The following USP37 variants were observed in gnomAD, a reference collection of about 807,000 sequenced individuals.
The protein encoded by USP37 is ubiquitin carboxyl-terminal hydrolase 37.
A neutral mutation model predicts 124.0 loss-of-function variants in USP37; 27 were observed. The ratio of observed to expected loss-of-function variants is 0.22; its 90% CI spans 0.16 to 0.30. USP37 has a LOEUF of 0.30. USP37 is among the 10% of genes least tolerant of loss of function. USP37 has a pLI of 1.00. For synonymous variants in USP37, 365 were observed against 388.0 expected, an observed-to-expected ratio of 0.94 and a Z score of 0.70; for missense variants, 889 against 1,140.4, an observed-to-expected ratio of 0.78 and a Z score of 3.17.
intron 10 of USP37, among the ~76,000 whole-genome samples, chr2:218,518,434 T>C (rs1690419362): frequency 1.3e-5 from 2 of 152,218 alleles, no homozygotes; most frequent in Non-Finnish European, 2.9e-5. Flanking sequence ...CATGTTGACC[T>C]GTCTTGCTGC....
chr2:218,526,850 G>A (rs1413847463), intron 10 of USP37, among the ~76,000 whole-genome samples: 3 of 139,856 alleles, frequency 2.1e-5, no homozygotes, highest in South Asian at 2.3e-4. Context: ...GTGCAGTGGC[G>A]CGATCTCGGC....
intron 5 of USP37, among the ~76,000 whole-genome samples, chr2:218,550,944 CA>C (rs1175246279): frequency 6.6e-6 from 1 of 152,072 alleles, no homozygotes; most frequent in Non-Finnish European, 1.5e-5. Context: ...AATTTTTTAA[CA>C]CAAGTTTTCA....
At chr2:218,488,947 T>G (rs1691751403) in intron 14 of USP37, among the ~76,000 whole-genome samples, 1 of 152,086 alleles carries the variant, frequency 6.6e-6, no homozygotes, top group African/African-American at 2.4e-5. Context: ...TTTTTAAACT[T>G]TATATAAGCA....
intron 10 of USP37, among the ~76,000 whole-genome samples, chr2:218,524,426 C>G (rs765679433): frequency 6.6e-6 from 1 of 152,082 alleles, no homozygotes; most frequent in Non-Finnish European, 1.5e-5. Flanking sequence ...TTTAATATGT[C>G]TATGTAATTG....
At chr2:218,520,896 T>G (rs1690573732) in intron 10 of USP37, among the ~76,000 whole-genome samples, 1 of 152,152 alleles carries the variant, frequency 6.6e-6, no homozygotes, top group African/African-American at 2.4e-5. Context: ...TCATGTAAAA[T>G]CATAATACCC....
intron 8 of USP37, among the ~76,000 whole-genome samples, chr2:218,535,871 G>A (rs183141748): frequency 2.7e-5 from 4 of 149,302 alleles, no homozygotes; most frequent in Non-Finnish European, 4.5e-5. Context: ...AAAAAAATTA[G>A]CCAGGCGTGG....
chr2:218,488,982 G>A (rs1270652814), intron 14 of USP37, among the ~76,000 whole-genome samples: 3 of 152,050 alleles, frequency 2.0e-5, no homozygotes, highest in African/African-American at 7.2e-5. Context: ...AAAAACTAAA[G>A]TATAACATAA....
Position 218,455,605 on chromosome 2 carries a change from C to T in USP37, c.2827G>A (p.Gly943Ser). ...TTGTGCATATAAAAGAAGATGTAGC[C>T]ACTCCGATCTCGATCACTCTGCACG... is the stretch of plus-strand genomic sequence containing the variant. ...AAVQSDRDRS[G>S]YIFFYMHKEI... The change falls in exon 25 of 26, where the codon GGC becomes AGC. Residue 943 changes from glycine (G) to serine (S), a missense_variant. By Grantham distance (56) the Gly-to-Ser change is moderately conservative (BLOSUM62 0). Coordinates refer to ENST00000258399, the MANE Select transcript of USP37 (RefSeq NM_020935.3). 6.2e-7 allele frequency: 1 copy of T among 1,613,682 alleles called. No individual in the cohort carries two copies. Among genetic ancestry groups the T allele is most frequent in the Non-Finnish European group, 8.5e-7 (1 of 1,179,896 alleles).
chr2:218,534,383 A>G lies in USP37; in HGVS notation c.778+226T>C, dbSNP rs569266955. Among the ~76,000 whole-genome samples, 4 of 152,246 alleles carry G rather than the reference A, an allele frequency of 2.6e-5. No homozygotes were observed. In the South Asian group the frequency reaches 8.3e-4, roughly 32 times the overall value. ...ACACACCTGCAGTCCCAGCTACTTGAGAGGCTGAGGCAGGAGAATCACTTG... is the reference window on the plus strand; with the variant it reads ...ACACACCTGCAGTCCCAGCTACTTGGGAGGCTGAGGCAGGAGAATCACTTG... On this transcript the variant is annotated intron_variant, in intron 9 of 25. Coordinates refer to ENST00000258399, the MANE Select transcript of USP37 (RefSeq NM_020935.3).
chr2:218,502,341 T>G (rs1689435729), intron 11 of USP37, among the ~76,000 whole-genome samples: 1 of 152,154 alleles, frequency 6.6e-6, no homozygotes, highest in South Asian at 2.1e-4. Flanking sequence ...AAATTTCACT[T>G]GATGCGATTA....
intron 10 of USP37, among the ~76,000 whole-genome samples, chr2:218,524,806 C>T (rs536089205): frequency 2.6e-5 from 4 of 152,284 alleles, no homozygotes; most frequent in Admixed American, 1.3e-4. Flanking sequence ...GACAGCGTTT[C>T]GCCATGTTGG....
chr2:218,505,871 T>G (rs145092322), intron 11 of USP37, among the ~76,000 whole-genome samples: 1 of 17,754 alleles, frequency 5.6e-5, no homozygotes, highest in Non-Finnish European at 9.9e-5. Flanking sequence ...TGTTTTGTTG[T>G]TTTTTTTTTG....
chr2:218,525,612 T>C (rs984219661), intron 10 of USP37, among the ~76,000 whole-genome samples: 18 of 152,234 alleles, frequency 1.2e-4, no homozygotes, highest in African/African-American at 4.3e-4. Flanking sequence ...TCCAATAGTG[T>C]TAATGTCAAT....
intron 14 of USP37, among the ~76,000 whole-genome samples, chr2:218,493,026 T>C (rs960145227): frequency 7.2e-5 from 11 of 151,842 alleles, no homozygotes; most frequent in Non-Finnish European, 1.2e-4. Flanking sequence ...AAAATTTTTT[T>C]CCCTCATATT....
At chr2:218,558,429 A>G (rs1345892240) in intron 4 of USP37, 69 bp downstream of exon 4, 2 of 1,441,780 alleles carry the variant, frequency 1.4e-6, no homozygotes, top group Admixed American at 2.1e-5. Context: ...GATGTTTACT[A>G]TGGCACAGAA....
At chr2:218,532,635 T>A (rs1165293724) in intron 9 of USP37, among the ~76,000 whole-genome samples, 1 of 151,712 alleles carries the variant, frequency 6.6e-6, no homozygotes, top group African/African-American at 2.4e-5. Flanking sequence ...TAAACTATTT[T>A]AAAATTATGA....
chr2:218,548,020 G>A (rs1462660957), intron 6 of USP37, among the ~76,000 whole-genome samples: 1 of 152,090 alleles, frequency 6.6e-6, no homozygotes, highest in Non-Finnish European at 1.5e-5. Context: ...ACAATCCTAG[G>A]ATAGGAAATT....
At chr2:218,456,048 A>G (rs913936261) in intron 24 of USP37, among the ~76,000 whole-genome samples, 1 of 151,842 alleles carries the variant, frequency 6.6e-6, no homozygotes, top group Non-Finnish European at 1.5e-5. Context: ...TCCATCTCAA[A>G]AAAATAAACA....
At chr2:218,567,723 G>A (rs756072065) in intron 1 of USP37, among the ~76,000 whole-genome samples, 4 of 152,158 alleles carry the variant, frequency 2.6e-5, no homozygotes, top group Non-Finnish European at 5.9e-5. Context: ...ACCTGATCTG[G>A]CGGCTAGAAA....
Sources: allele counts gnomAD v4.1 joint callset (sites outside exome capture counted in the v4.1 genomes callset), GRCh38; gene constraint gnomAD v4.1.1; transcripts MANE v1.5; gene names NCBI Gene and HGNC (gene_info 2026-07-23, HGNC 2026-07-21).